ACACA: variants seen among roughly 807,000 people sequenced by gnomAD.
The protein encoded by ACACA is acetyl-CoA carboxylase alpha.
In ACACA, 103 loss-of-function variants were observed where a neutral mutation model predicts 296.1. The observed-to-expected ratio is 0.35, with a 90% CI of 0.30 to 0.41. The LOEUF (loss-of-function observed/expected upper bound fraction) is 0.41, where lower values mean the gene tolerates loss of function less well. Among genes scored for constraint, ACACA ranks in the 10% least tolerant of loss-of-function variants. The pLI, the probability that ACACA is intolerant of heterozygous loss-of-function variation, is 1.00. For missense variants in ACACA, 1,554 were observed against 2,989.7 expected (o/e 0.52, Z 11.20); for synonymous variants, 953 against 1,038.6 (o/e 0.92, Z 1.58).
At chr17:37,165,307 G>A (rs1354421192) in intron 41 of ACACA, among the ~76,000 whole-genome samples, 1 of 151,886 alleles carries the variant, frequency 6.6e-6, no homozygotes, top group Non-Finnish European at 1.5e-5. Context: ...CAAAGGATAG[G>A]GCATATAAAG....
intron 1 of ACACA, among the ~76,000 whole-genome samples, chr17:37,351,234 G>A (rs370605188): frequency 1.6e-4 from 24 of 152,308 alleles, no homozygotes; most frequent in Middle Eastern, 3.4e-3. Context: ...GGCCAAGACC[G>A]GAGGATCACC....
intron 14 of ACACA, 104 bp from the exon 15 acceptor site, chr17:37,253,140 C>A: frequency 6.5e-7 from 1 of 1,540,100 alleles, no homozygotes; most frequent in South Asian, 1.1e-5. Flanking sequence ...GCCTGTAATC[C>A]TAACACTTTG....
At chr17:37,302,025 G>A (rs1466896488) in intron 3 of ACACA, among the ~76,000 whole-genome samples, 1 of 151,466 alleles carries the variant, frequency 6.6e-6, no homozygotes, top group Non-Finnish European at 1.5e-5. Flanking sequence ...CTGTCTCCCA[G>A]GCTGGAGTGC....
At chr17:37,095,629 C>A (rs902090385) in intron 54 of ACACA, among the ~76,000 whole-genome samples, 1 of 152,170 alleles carries the variant, frequency 6.6e-6, no homozygotes, top group Non-Finnish European at 1.5e-5. Flanking sequence ...AGCCCTCCAT[C>A]AATACTCTAA....
intron 39 of ACACA, among the ~76,000 whole-genome samples, chr17:37,187,775 A>G (rs542708216): frequency 6.6e-6 from 1 of 152,316 alleles, no homozygotes; most frequent in Non-Finnish European, 1.5e-5. Flanking sequence ...ACAGAACACA[A>G]TAGATAAATA....
At chr17:37,316,793 C>T (rs1165375752) in intron 3 of ACACA, among the ~76,000 whole-genome samples, 2 of 152,160 alleles carry the variant, frequency 1.3e-5, no homozygotes, top group East Asian at 3.9e-4. Flanking sequence ...TAGAATCAGG[C>T]CAGGCGAGGT....
At chr17:37,361,258 C>T (rs182822599) in intron 1 of ACACA, among the ~76,000 whole-genome samples, 3 of 151,942 alleles carry the variant, frequency 2.0e-5, no homozygotes, top group African/African-American at 4.8e-5. Context: ...AGGATGGTCT[C>T]GATCTCTTGA....
In ACACA at chr17:37,330,187, C is replaced by G. The variant is rs781229221; in HGVS notation, c.324G>C (p.Leu108Phe). 9.3e-6 allele frequency: 15 copies of G among 1,614,144 alleles called. No individual in the cohort carries two copies. In the Admixed American group the frequency reaches 2.5e-4, roughly 27 times the overall value. Residue 108 changes from leucine to phenylalanine, a missense_variant, in exon 3 of 56, where the codon TTG becomes TTC. Coordinates refer to ENST00000616317, the MANE Select transcript of ACACA (RefSeq NM_198834.3). ...DLGISSLQDG[L>F]ALHIRSSMSG... ...CTCTCTCTTACCTTATGTGCAAGGC[C>G]AAGCCATCCTGTAGGCTAGAGATCC...
At chr17:37,299,041 G>A (rs2083488003) in intron 3 of ACACA, among the ~76,000 whole-genome samples, 1 of 152,050 alleles carries the variant, frequency 6.6e-6, no homozygotes. Flanking sequence ...TGTTTTCAAC[G>A]TAGCTAAAAT....
At chr17:37,090,526 C>A (rs1373647659) in intron 54 of ACACA, among the ~76,000 whole-genome samples, 2 of 152,128 alleles carry the variant, frequency 1.3e-5, no homozygotes, top group Non-Finnish European at 2.9e-5. Flanking sequence ...GGGTGTGTGG[C>A]CCCGTCAGTG....
chr17:37,214,510 G>A (rs948599382), intron 29 of ACACA, among the ~76,000 whole-genome samples: 2 of 152,128 alleles, frequency 1.3e-5, no homozygotes, highest in African/African-American at 2.4e-5. Flanking sequence ...ACAAAACTAC[G>A]GGGATTTACA....
intron 39 of ACACA, among the ~76,000 whole-genome samples, chr17:37,181,948 CG>C (rs1023097963): frequency 1.7e-4 from 24 of 143,412 alleles, no homozygotes; most frequent in African/African-American, 6.3e-4. Flanking sequence ...CAAGAAAGCA[CG>C]GTGCACATTT....
intron 24 of ACACA, among the ~76,000 whole-genome samples, chr17:37,239,019 G>C (rs1215989718): frequency 1.3e-5 from 2 of 151,998 alleles, no homozygotes; most frequent in African/African-American, 4.8e-5. Context: ...TGTAGAGATG[G>C]GGTCTCACTA....
chr17:37,158,703 A>G (rs1253690530), intron 42 of ACACA, among the ~76,000 whole-genome samples: 2 of 152,128 alleles, frequency 1.3e-5, no homozygotes. Context: ...GGAGTAGTCC[A>G]GGGACCAAGC....
chr17:37,254,896 A>G (rs2081158945), intron 14 of ACACA, among the ~76,000 whole-genome samples: 1 of 151,976 alleles, frequency 6.6e-6, no homozygotes, highest in African/African-American at 2.4e-5. Flanking sequence ...AAATGAATGA[A>G]CAGAGGAAAT....
Position 37,244,753 on chromosome 17 carries a change from G to A in ACACA, c.2596-19C>T. The A allele has an allele frequency of 1.2e-6, 2 of 1,614,088 alleles. No individual in the cohort carries two copies. Among genetic ancestry groups the A allele is most frequent in the Non-Finnish European group, 1.7e-6 (2 of 1,180,000 alleles). ...GTTCAGCCTGTCAACCCCAACAAGA[G>A]ATCAAGTCATCTACTACTTTTGATC... On this transcript the variant is annotated intron_variant, in intron 20 of 55. Coordinates refer to ENST00000616317, the MANE Select transcript of ACACA (RefSeq NM_198834.3).
chr17:37,155,225 T>C (rs1006513523), intron 43 of ACACA, among the ~76,000 whole-genome samples: 1 of 152,146 alleles, frequency 6.6e-6, no homozygotes, highest in Non-Finnish European at 1.5e-5. Context: ...AAATACTATG[T>C]AGACATTAAG....
intron 48 of ACACA, among the ~76,000 whole-genome samples, chr17:37,123,862 A>G (rs1201827590): frequency 1.3e-5 from 2 of 152,248 alleles, no homozygotes; most frequent in Non-Finnish European, 2.9e-5. Flanking sequence ...ATTAGGGCCC[A>G]TGTGACCTAA....
At chr17:37,333,795 A>G (rs948695857) in intron 2 of ACACA, among the ~76,000 whole-genome samples, 9 of 144,052 alleles carry the variant, frequency 6.2e-5, no homozygotes, top group African/African-American at 2.3e-4. Context: ...ACAGGCCACT[A>G]CCCAAGAGAA....
Sources: gnomAD v4.1 joint callset for allele counts (sites outside exome capture counted in the v4.1 genomes callset) on GRCh38, gnomAD v4.1.1 for gene constraint, MANE v1.5 for transcripts, NCBI Gene and HGNC (gene_info 2026-07-23, HGNC 2026-07-21) for gene names.